Variants in RCSD1 observed in about 807,000 individuals in gnomAD.
RCSD1 encodes the protein RCSD domain containing 1.
RCSD1 carries 26 observed loss-of-function variants against 42.5 expected under a neutral mutation model. That is an observed-to-expected ratio of 0.61 (90% CI 0.45 to 0.85). The LOEUF (loss-of-function observed/expected upper bound fraction) is 0.85, where lower values mean the gene tolerates loss of function less well. Among genes scored for constraint, RCSD1 ranks in the 40% least tolerant of loss-of-function variants. The pLI, the probability that RCSD1 is intolerant of heterozygous loss-of-function variation, is 0.00. For synonymous variants in RCSD1, 220 were observed against 212.2 expected (o/e 1.04, Z -0.32); for missense variants, 571 against 528.3 (o/e 1.08, Z -0.79).
chr1:167,677,315 C>T (rs979189542), intron 1 of RCSD1, among the ~76,000 whole-genome samples: 1 of 152,194 alleles, frequency 6.6e-6, no homozygotes, highest in Non-Finnish European at 1.5e-5. Flanking sequence ...ACGCAACATT[C>T]ATGAGTGACA....
intron 1 of RCSD1, among the ~76,000 whole-genome samples, chr1:167,668,184 C>A (rs879326433): frequency 6.6e-5 from 10 of 152,008 alleles, no homozygotes; most frequent in Non-Finnish European, 1.3e-4. Context: ...ACTCGGGAGG[C>A]TGCGGCAGGA....
intron 4 of RCSD1, among the ~76,000 whole-genome samples, chr1:167,692,189 G>A (rs534391156): frequency 5.3e-5 from 8 of 152,324 alleles, no homozygotes; most frequent in East Asian, 1.9e-4. Context: ...AACTTACTTC[G>A]TTGGGAATAT....
intron 1 of RCSD1, among the ~76,000 whole-genome samples, chr1:167,631,813 CTG>C (rs1375367758): frequency 6.6e-6 from 1 of 152,232 alleles, no homozygotes; most frequent in Non-Finnish European, 1.5e-5. Flanking sequence ...AAGCTAGACT[CTG>C]TGCTTGCCGG....
intron 1 of RCSD1, among the ~76,000 whole-genome samples, chr1:167,638,637 G>A (rs920901873): frequency 6.6e-6 from 1 of 152,180 alleles, no homozygotes; most frequent in South Asian, 2.1e-4. Context: ...CCAGCTCAAG[G>A]CTTGGTGCTT....
intron 1 of RCSD1, among the ~76,000 whole-genome samples, chr1:167,637,730 C>CCA (rs66925392): frequency 0.035 from 5,083 of 146,780 alleles, 141 homozygotes; most frequent in African/African-American, 0.078. Flanking sequence ...TAGGAATAGA[C>CCA]CACACACACA....
In RCSD1 at chr1:167,688,126, C is replaced by T. The variant is rs75179653; in HGVS notation, c.199-1923C>T. On this transcript the variant is annotated intron_variant, in intron 3 of 6. Coordinates refer to ENST00000367854, the MANE Select transcript of RCSD1 (RefSeq NM_052862.4). ...CACCTGCTGTCATTTCCAGGAACTG[C>T]ACTAGAGGCTATTTTGGATTCTTTC... 2.1e-4 allele frequency among the ~76,000 whole-genome samples: 32 copies of T among 152,284 alleles called. No individual in the cohort carries two copies. In the East Asian group the frequency reaches 6.2e-3, roughly 29 times the overall value.
At chr1:167,638,671 C>A (rs912756239) in intron 1 of RCSD1, among the ~76,000 whole-genome samples, 2 of 152,332 alleles carry the variant, frequency 1.3e-5, no homozygotes, top group East Asian at 1.9e-4. Context: ...CAGGTTTACT[C>A]CGAGCCCTCC....
At chr1:167,684,803 G>A (rs1487068796) in intron 2 of RCSD1, among the ~76,000 whole-genome samples, 4 of 152,192 alleles carry the variant, frequency 2.6e-5, no homozygotes, top group African/African-American at 9.7e-5. Context: ...GAACCCAGGA[G>A]GTGGAGGTTT....
chr1:167,692,079 G>A (rs1373247067), intron 4 of RCSD1, among the ~76,000 whole-genome samples: 2 of 151,954 alleles, frequency 1.3e-5, no homozygotes, highest in African/African-American at 2.4e-5. Context: ...GAGTCTTTTG[G>A]GGAAACACAA....
chr1:167,642,942 T>C (rs1182809390), intron 1 of RCSD1, among the ~76,000 whole-genome samples: 3 of 152,178 alleles, frequency 2.0e-5, no homozygotes, highest in African/African-American at 7.2e-5. Context: ...CCCTTAAGGC[T>C]TTCTTTGCCT....
rs763056285 is a variant in RCSD1, at chr1:167,707,382, T to A, written c.*2686T>A. Among the ~76,000 whole-genome samples the A allele has an allele frequency of 2.4e-4, 37 of 152,360 alleles. No individual in the cohort carries two copies. Among genetic ancestry groups the A allele is most frequent in the Non-Finnish European group, 4.4e-4 (30 of 68,034 alleles). On this transcript the variant is annotated 3_prime_UTR_variant, in exon 7 of 7. Coordinates refer to ENST00000367854, the MANE Select transcript of RCSD1 (RefSeq NM_052862.4). ...TAGGGATGTGTTTAGTACAGCTGAA[T>A]GAACAAGTTCACCCAGCTGCTGGTG... is the stretch of plus-strand genomic sequence containing the variant.
intron 6 of RCSD1, among the ~76,000 whole-genome samples, chr1:167,701,637 A>G (rs565401641): frequency 6.6e-6 from 1 of 152,232 alleles, no homozygotes; most frequent in Non-Finnish European, 1.5e-5. Context: ...CCAAGGCTCC[A>G]AGAGAGGACA....
At chr1:167,638,834 T>C (rs1657925564) in intron 1 of RCSD1, among the ~76,000 whole-genome samples, 1 of 152,198 alleles carries the variant, frequency 6.6e-6, no homozygotes, top group Non-Finnish European at 1.5e-5. Context: ...ATTTCTTCCA[T>C]CCCCTTCATT....
chr1:167,694,674 G>A (rs560567909), intron 5 of RCSD1, among the ~76,000 whole-genome samples: 1 of 152,302 alleles, frequency 6.6e-6, no homozygotes, highest in African/African-American at 2.4e-5. Flanking sequence ...TCAGTGATTT[G>A]CACAGAATGC....
chr1:167,683,965 C>G lies in RCSD1; in HGVS notation c.72C>G (p.Ala24=). Residue 24 remains alanine, a synonymous_variant, in exon 2 of 7, where the codon GCC becomes GCG. Transcript: ENST00000367854. ...CGTCCCCCTCGGTGGCCCAGCTGGCCGGGCGGTTTAGGGAGCAGGCGGCTG... is the reference window on the plus strand; with the variant it reads ...CGTCCCCCTCGGTGGCCCAGCTGGCGGGGCGGTTTAGGGAGCAGGCGGCTG... The part of the protein sequence containing the change: ...NSASPSVAQL[A]GRFREQAAAA... 2 of 1,614,070 alleles carry G rather than the reference C, an allele frequency of 1.2e-6. No homozygotes were observed. The highest frequency in any genetic ancestry group is 4.5e-5 in the East Asian group (2 of 44,876).
chr1:167,637,483 T>G (rs527622066), intron 1 of RCSD1, among the ~76,000 whole-genome samples: 6 of 152,186 alleles, frequency 3.9e-5, no homozygotes, highest in Non-Finnish European at 7.3e-5. Flanking sequence ...TAGCTTCCTG[T>G]GCTGGGGATT....
At chr1:167,648,537 C>T (rs933921839) in intron 1 of RCSD1, among the ~76,000 whole-genome samples, 5 of 152,212 alleles carry the variant, frequency 3.3e-5, no homozygotes, top group African/African-American at 1.2e-4. Context: ...CCTTTCCTCC[C>T]AGGGTCTTCC....
At chr1:167,682,314 T>A (rs1659101903) in intron 1 of RCSD1, among the ~76,000 whole-genome samples, 1 of 151,926 alleles carries the variant, frequency 6.6e-6, no homozygotes, top group African/African-American at 2.4e-5. Context: ...AGATTACAGG[T>A]GCACACCACC....
chr1:167,680,958 G>A (rs1203987453), intron 1 of RCSD1, among the ~76,000 whole-genome samples: 1 of 152,214 alleles, frequency 6.6e-6, no homozygotes, highest in Non-Finnish European at 1.5e-5. Context: ...GCCGTGAAGA[G>A]CTCCTGGCCC....
Sources: allele counts gnomAD v4.1 joint callset (sites outside exome capture counted in the v4.1 genomes callset), GRCh38; gene constraint gnomAD v4.1.1; transcripts MANE v1.5; gene names NCBI Gene and HGNC (gene_info 2026-07-23, HGNC 2026-07-21).